Variants in BCL2L11 observed in about 807,000 individuals in gnomAD.
BCL2L11 encodes the protein BCL2 like 11.
BCL2L11 carries 15 observed loss-of-function variants against 20.6 expected under a neutral mutation model. The ratio of observed to expected loss-of-function variants is 0.73; its 90% CI spans 0.49 to 1.12. The LOEUF (loss-of-function observed/expected upper bound fraction) is 1.12, where lower values mean the gene tolerates loss of function less well. Among genes scored for constraint, BCL2L11 ranks in the 50% most tolerant of loss-of-function variants. The pLI, the probability that BCL2L11 is intolerant of heterozygous loss-of-function variation, is 0.00. For synonymous variants in BCL2L11, 108 were observed against 92.8 expected (o/e 1.16, Z -0.94); for missense variants, 292 against 260.9 (o/e 1.12, Z -0.82).
intron 3 of BCL2L11, among the ~76,000 whole-genome samples, chr2:111,159,127 C>T (rs539585340): frequency 1.6e-4 from 24 of 152,298 alleles, no homozygotes; most frequent in African/African-American, 5.3e-4. Flanking sequence ...TGAGGAGCAA[C>T]GGGCCCTTCC....
At chr2:111,150,330 G>A in intron 3 of BCL2L11, 183 bp downstream of exon 3, 4 of 1,263,808 alleles carry the variant, frequency 3.2e-6, no homozygotes, top group Non-Finnish European at 4.3e-6. Context: ...CTAAGTAATG[G>A]CACTTAAATA....
At chr2:111,135,649 A>T (rs1001601314) in intron 2 of BCL2L11, among the ~76,000 whole-genome samples, 19 of 152,194 alleles carry the variant, frequency 1.2e-4, no homozygotes, top group African/African-American at 2.4e-4. Flanking sequence ...TTAATTAGCC[A>T]GATGGGGCGA....
At chr2:111,140,421 T>G (rs1024975570) in intron 2 of BCL2L11, among the ~76,000 whole-genome samples, 6 of 152,194 alleles carry the variant, frequency 3.9e-5, no homozygotes, top group Non-Finnish European at 8.8e-5. Context: ...CCTAAAACAT[T>G]TTACTATTAG....
Position 111,162,395 on chromosome 2 carries a change from TTC to T in BCL2L11, c.499-1737_499-1736del, listed in dbSNP as rs564181459. On this transcript the variant is annotated intron_variant, in intron 3 of 3. Coordinates refer to ENST00000393256, the MANE Select transcript of BCL2L11 (RefSeq NM_138621.5). ...AACTTTTGCCAAAATTTCCTGCATT[TTC>T]CCCACCCTCTCCAACATGTCTTTGA... Among the ~76,000 whole-genome samples, 5 of 152,328 alleles carry T rather than the reference TTC, an allele frequency of 3.3e-5. No individual in the cohort carries two copies. The South Asian group carries it at 1.0e-3, about 32-fold the overall frequency.
chr2:111,144,381 A>T, intron 2 of BCL2L11: 2 of 1,200,952 alleles, frequency 1.7e-6, no homozygotes, highest in Non-Finnish European at 2.4e-6. Flanking sequence ...GTTGTTGGTT[A>T]CTTGCTTATT....
intron 3 of BCL2L11, among the ~76,000 whole-genome samples, chr2:111,155,031 A>G (rs2077660905): frequency 6.6e-6 from 1 of 152,212 alleles, no homozygotes; most frequent in African/African-American, 2.4e-5. Flanking sequence ...ACTGACCCTC[A>G]CAGCTCTTCC....
intron 2 of BCL2L11, among the ~76,000 whole-genome samples, chr2:111,141,871 G>C (rs2075873344): frequency 6.6e-6 from 1 of 151,940 alleles, no homozygotes; most frequent in South Asian, 2.1e-4. Flanking sequence ...GTGAATTTTT[G>C]TATTTTTTTA....
chr2:111,135,895 A>G (rs1012491877), intron 2 of BCL2L11, among the ~76,000 whole-genome samples: 1 of 152,166 alleles, frequency 6.6e-6, no homozygotes, highest in Non-Finnish European at 1.5e-5. Context: ...TAACTGCCCT[A>G]CTAACACTGC....
intron 3 of BCL2L11, among the ~76,000 whole-genome samples, chr2:111,162,441 A>T (rs2078677514): frequency 6.6e-6 from 1 of 152,108 alleles, no homozygotes; most frequent in Non-Finnish European, 1.5e-5. Context: ...TATCCTTTAC[A>T]TTTGAGATGA....
intron 3 of BCL2L11, among the ~76,000 whole-genome samples, chr2:111,155,644 C>G (rs943602789): frequency 2.0e-5 from 3 of 152,176 alleles, no homozygotes; most frequent in Admixed American, 1.3e-4. Flanking sequence ...GTCAGGTTGT[C>G]CAGCTCAAGT....
intron 2 of BCL2L11, among the ~76,000 whole-genome samples, chr2:111,129,418 C>G (rs1276812666): frequency 6.6e-6 from 1 of 152,132 alleles, no homozygotes; most frequent in Non-Finnish European, 1.5e-5. Context: ...GTTAGTTACC[C>G]AATTTTAAAT....
chr2:111,147,665 G>A (rs901586382), intron 2 of BCL2L11, among the ~76,000 whole-genome samples: 1 of 152,182 alleles, frequency 6.6e-6, no homozygotes, highest in African/African-American at 2.4e-5. Flanking sequence ...CCCCTTGATA[G>A]TATTTGGTGG....
rs879058700 is a variant in BCL2L11 at position 111,167,211 on chromosome 2, A to C, written c.*2980A>C. 2.0e-5 allele frequency: 3 copies of C among 152,248 alleles called. No homozygotes were observed. The highest frequency in any genetic ancestry group is 4.4e-5 in the Non-Finnish European group (3 of 68,034). 9.4% of individuals were successfully genotyped at this position (152,248 alleles called of 1,614,324 possible). ...TGAGAGTTGTCGGGGGTGACTGGAG[A>C]GCTCATTGCAGACCACGTGGTCCTC... On this transcript the variant is annotated 3_prime_UTR_variant, in exon 4 of 4. Coordinates refer to ENST00000393256, the MANE Select transcript of BCL2L11 (RefSeq NM_138621.5).
intron 2 of BCL2L11, among the ~76,000 whole-genome samples, chr2:111,141,981 G>C (rs1298012261): frequency 6.6e-6 from 1 of 152,154 alleles, no homozygotes; most frequent in East Asian, 1.9e-4. Flanking sequence ...GATTACAGGC[G>C]TGAGCCACTG....
At chr2:111,138,475 A>G (rs1231959700) in intron 2 of BCL2L11, among the ~76,000 whole-genome samples, 1 of 152,188 alleles carries the variant, frequency 6.6e-6, no homozygotes, top group Admixed American at 6.5e-5. Flanking sequence ...CTGGGCATGC[A>G]TACCTTGTTT....
rs372903612 is a variant in BCL2L11 at position 111,123,686 on chromosome 2, A to ATTTTTT, written c.-13-41_-13-36dup. 7.6e-4 allele frequency: 821 copies of ATTTTTT among 1,080,444 alleles called. 3 individuals carry two copies. The African/African-American group carries it at 0.012, about 16-fold the overall frequency. 66.9% of individuals were successfully genotyped at this position (1,080,444 alleles called of 1,614,324 possible). A position where few individuals can be genotyped will look rare whatever the true frequency, so the allele number is the denominator to read the frequency against. On this transcript the variant is annotated intron_variant, in intron 1 of 3. Coordinates refer to ENST00000393256, the MANE Select transcript of BCL2L11 (RefSeq NM_138621.5). ...TGAGAGCTAATTTGTTTATTCATCG[A>ATTTTTT]TTTTTTTTTTTGCTTAAAATAATCT...
chr2:111,164,185 T>C lies in BCL2L11; in HGVS notation c.551T>C (p.Leu184Ser). 6.2e-7 allele frequency: 1 copy of C among 1,613,564 alleles called. No individual in the cohort carries two copies. The highest frequency in any genetic ancestry group is 1.1e-5 in the South Asian group (1 of 91,068). The stretch of plus-strand genomic sequence containing the variant: ...GAAGACCACCCACGAATGGTTATCT[T>C]ACGACTGTTACGTTACATTGTCCGC... Reference protein sequence around the residue: ...AAEDHPRMVILRLLRYIVRLV... With the variant: ...AAEDHPRMVISRLLRYIVRLV... The change falls in exon 4 of 4, where the codon TTA (leucine) becomes TCA (serine). Residue 184 changes from leucine (L) to serine (S), a missense_variant. Physicochemically the swap from Leu to Ser is moderately radical, Grantham distance 145. Coordinates refer to ENST00000393256, the MANE Select transcript of BCL2L11 (RefSeq NM_138621.5).
At chr2:111,162,486 T>C (rs1189438828) in intron 3 of BCL2L11, among the ~76,000 whole-genome samples, 1 of 152,248 alleles carries the variant, frequency 6.6e-6, no homozygotes, top group Non-Finnish European at 1.5e-5. Context: ...AAGATTCTCT[T>C]GTGAGGTGAC....
intron 2 of BCL2L11, among the ~76,000 whole-genome samples, chr2:111,148,859 A>C (rs770889529): frequency 7.2e-5 from 11 of 152,262 alleles, no homozygotes; most frequent in Non-Finnish European, 1.3e-4. Context: ...AAAACTCTTC[A>C]AAGTGTTCAC....
Sources: gnomAD v4.1 joint callset for allele counts (sites outside exome capture counted in the v4.1 genomes callset) on GRCh38, gnomAD v4.1.1 for gene constraint, MANE v1.5 for transcripts, NCBI Gene and HGNC (gene_info 2026-07-23, HGNC 2026-07-21) for gene names.